Variants in MAP2 observed in about 807,000 individuals in gnomAD.
MAP2 encodes the protein microtubule associated protein 2, also known as microtubule-associated protein 2.
MAP2 carries 14 observed loss-of-function variants against 137.6 expected under a neutral mutation model. That is an observed-to-expected ratio of 0.10 (90% CI 0.07 to 0.16). The LOEUF (loss-of-function observed/expected upper bound fraction) is 0.16, where lower values mean the gene tolerates loss of function less well. MAP2 is among the 10% of genes least tolerant of loss of function. The pLI is 1.00. For missense variants in MAP2, 2,088 were observed against 2,191.5 expected (o/e 0.95, Z 0.94); for synonymous variants, 786 against 782.3 (o/e 1.00, Z -0.08).
chr2:209,669,506 T>G (rs2047843098), intron 5 of MAP2, among the ~76,000 whole-genome samples: 1 of 152,096 alleles, frequency 6.6e-6, no homozygotes, highest in African/African-American at 2.4e-5. Flanking sequence ...TTTACAGAGG[T>G]AACTAGTAAA....
chr2:209,430,830 CAT>C (rs78801914), intron 1 of MAP2, among the ~76,000 whole-genome samples: 7,800 of 152,172 alleles, frequency 0.051, 293 homozygotes, highest in East Asian at 0.19. Flanking sequence ...GCTAGGAGAA[CAT>C]AAAATACTAA....
intron 3 of MAP2, among the ~76,000 whole-genome samples, chr2:209,581,557 C>T (rs1413594358): frequency 2.0e-5 from 3 of 152,086 alleles, no homozygotes; most frequent in African/African-American, 4.8e-5. Flanking sequence ...TTTTAGATTT[C>T]ACTCAAAGTA....
intron 1 of MAP2, among the ~76,000 whole-genome samples, chr2:209,498,114 G>A (rs1313744827): frequency 6.6e-6 from 1 of 152,076 alleles, no homozygotes; most frequent in Admixed American, 6.6e-5. Context: ...ATATACAATG[G>A]GGGTATAGGC....
chr2:209,571,603 A>G (rs945161853), intron 2 of MAP2, among the ~76,000 whole-genome samples: 1 of 151,976 alleles, frequency 6.6e-6, no homozygotes, highest in African/African-American at 2.4e-5. Flanking sequence ...AATTCCCAAC[A>G]TAGTTCTTAA....
intron 2 of MAP2, among the ~76,000 whole-genome samples, chr2:209,534,985 C>CA (rs11380312): frequency 1 from 152,285 of 152,288 alleles, 76,141 homozygotes; most frequent in Middle Eastern, 1. Flanking sequence ...CAGATATGTG[C>CA]ACCATTGCCA....
intron 12 of MAP2, among the ~76,000 whole-genome samples, chr2:209,706,724 A>T (rs1584144062): frequency 6.6e-6 from 1 of 152,152 alleles, no homozygotes; most frequent in Admixed American, 6.6e-5. Context: ...GAACCATTTT[A>T]AAATGGTGGA....
intron 1 of MAP2, among the ~76,000 whole-genome samples, chr2:209,425,513 T>G (rs763933210): frequency 6.6e-6 from 1 of 152,168 alleles, no homozygotes; most frequent in Non-Finnish European, 1.5e-5. Context: ...GGTATATAAT[T>G]TTGGGTGTGA....
intron 5 of MAP2, among the ~76,000 whole-genome samples, chr2:209,653,830 G>T (rs185393546): frequency 6.6e-6 from 1 of 152,082 alleles, no homozygotes; most frequent in Non-Finnish European, 1.5e-5. Flanking sequence ...AGCAAAATAC[G>T]TAAATACATA....
intron 1 of MAP2, among the ~76,000 whole-genome samples, chr2:209,454,481 A>G (rs893026445): frequency 1.3e-5 from 2 of 151,860 alleles, no homozygotes; most frequent in African/African-American, 4.8e-5. Context: ...GATTAGAGGC[A>G]CCCACCACCA....
chr2:209,493,617 G>T (rs774928713), intron 1 of MAP2, among the ~76,000 whole-genome samples: 1 of 152,112 alleles, frequency 6.6e-6, no homozygotes, highest in African/African-American at 2.4e-5. Flanking sequence ...CAAAAAGTGG[G>T]CAAAGGATAT....
At chr2:209,719,337 C>T (rs1284769315) in intron 13 of MAP2, among the ~76,000 whole-genome samples, 1 of 152,104 alleles carries the variant, frequency 6.6e-6, no homozygotes, top group Non-Finnish European at 1.5e-5. Flanking sequence ...GTTGAGCTGA[C>T]GTGTGGGTCT....
At chr2:209,508,610 ACAG>A (rs2061369683) in intron 2 of MAP2, among the ~76,000 whole-genome samples, 10 of 147,572 alleles carry the variant, frequency 6.8e-5, no homozygotes, top group Admixed American at 2.7e-4. Flanking sequence ...ACACACACAC[ACAG>A]AGATGAAAAA....
rs926243188 is a variant in MAP2 at position 209,559,134 on chromosome 2, C to T, written c.-171-20902C>T. On this transcript the variant is annotated intron_variant, in intron 2 of 15. Coordinates refer to ENST00000682079, the MANE Select transcript of MAP2 (RefSeq NM_001375505.1). ...TTTTTAAAGTTTATCATTCTTTCTG[C>T]CCTTACTAACTGGCATTCTTCTCTA... Among the ~76,000 whole-genome samples, 5 of 151,886 alleles carry T rather than the reference C, an allele frequency of 3.3e-5. No homozygotes were observed. The East Asian group carries it at 9.7e-4, about 29-fold the overall frequency.
chr2:209,600,701 C>T (rs778176495), intron 3 of MAP2, among the ~76,000 whole-genome samples: 2 of 152,272 alleles, frequency 1.3e-5, no homozygotes, highest in South Asian at 2.1e-4. Flanking sequence ...AAGGGCAAAC[C>T]TCCTTGTAGG....
At chr2:209,626,510 T>C (rs186841591) in intron 4 of MAP2, among the ~76,000 whole-genome samples, 2 of 152,252 alleles carry the variant, frequency 1.3e-5, no homozygotes, top group Admixed American at 1.3e-4. Flanking sequence ...TCTAAAAAAA[T>C]AATCACAGAA....
chr2:209,551,503 G>A (rs774470176), intron 2 of MAP2, among the ~76,000 whole-genome samples: 2 of 152,100 alleles, frequency 1.3e-5, no homozygotes, highest in Non-Finnish European at 2.9e-5. Flanking sequence ...TCCTTGCATA[G>A]AGCCCAAAGA....
chr2:209,704,712 A>G, intron 11 of MAP2: 1 of 1,223,278 alleles, frequency 8.2e-7, no homozygotes, highest in Non-Finnish European at 1.1e-6. Flanking sequence ...GTATGAAAGC[A>G]AATACTTTAC....
rs1468673271 is a variant in MAP2 at position 209,732,302 on chromosome 2, A to C, written c.*1905A>C. 6.6e-6 allele frequency: 1 copy of C among 152,248 alleles called. No homozygotes were observed. Among genetic ancestry groups the C allele is most frequent in the Non-Finnish European group, 1.5e-5 (1 of 68,046 alleles). 9.4% of individuals were successfully genotyped at this position (152,248 alleles called of 1,614,324 possible). ...TTTTTGGTGACCCAGTGGATATGGC[A>C]ACCAGTGTAACTGCCATACAAGAAA... On this transcript the variant is annotated 3_prime_UTR_variant, in exon 16 of 16. Coordinates refer to ENST00000682079, the MANE Select transcript of MAP2 (RefSeq NM_001375505.1).
intron 2 of MAP2, among the ~76,000 whole-genome samples, chr2:209,521,261 T>C (rs1489154278): frequency 6.6e-6 from 1 of 152,076 alleles, no homozygotes; most frequent in African/African-American, 2.4e-5. Context: ...TCTACGTACA[T>C]ACATGTACTT....
Sources: allele counts gnomAD v4.1 joint callset (sites outside exome capture counted in the v4.1 genomes callset), GRCh38; gene constraint gnomAD v4.1.1; transcripts MANE v1.5; gene names NCBI Gene and HGNC (gene_info 2026-07-23, HGNC 2026-07-21).